UBE2F: variants seen among roughly 807,000 people sequenced by gnomAD.
The protein encoded by UBE2F is NEDD8-conjugating enzyme UBE2F.
A neutral mutation model predicts 29.6 loss-of-function variants in UBE2F; 5 were observed. The observed-to-expected ratio is 0.17, with a 90% CI of 0.09 to 0.36. The LOEUF is 0.36. Among genes scored for constraint, UBE2F ranks in the 10% least tolerant of loss-of-function variants. The probability of loss-of-function intolerance (pLI) is 1.00; values close to 1 mark genes in which losing one functional copy is unlikely to be tolerated. For missense variants in UBE2F, 141 were observed against 228.5 expected, an observed-to-expected ratio of 0.62 and a Z score of 2.47; for synonymous variants, 66 against 81.8, an observed-to-expected ratio of 0.81 and a Z score of 1.04.
intron 5 of UBE2F, among the ~76,000 whole-genome samples, chr2:238,016,874 A>T (rs1165094328): frequency 3.3e-5 from 5 of 152,166 alleles, no homozygotes; most frequent in Non-Finnish European, 5.9e-5. Context: ...CTGCCTGTGT[A>T]TTTTCTATAA....
At chr2:238,023,403 A>C (rs61471587) in intron 5 of UBE2F, among the ~76,000 whole-genome samples, 2,350 of 152,340 alleles carry the variant, frequency 0.015, 70 homozygotes, top group African/African-American at 0.054. Context: ...CAGTTTAATC[A>C]GTTTTTTGGA....
At chr2:238,003,323 T>G in intron 4 of UBE2F, 1 of 470,450 alleles carries the variant, frequency 2.1e-6, no homozygotes, top group South Asian at 1.5e-5. Context: ...TTCTCTTAAC[T>G]TTCATCAGGA....
intron 3 of UBE2F, among the ~76,000 whole-genome samples, chr2:237,990,092 C>A (rs1475238124): frequency 1.7e-5 from 2 of 116,078 alleles, no homozygotes; most frequent in Non-Finnish European, 3.3e-5. Context: ...CACTCCTGGG[C>A]GATGGAGTGA....
At chr2:238,008,790 A>G (rs2063957774) in intron 4 of UBE2F, among the ~76,000 whole-genome samples, 1 of 152,082 alleles carries the variant, frequency 6.6e-6, no homozygotes. Context: ...TATAGTTCTC[A>G]TTTGTTTTAC....
At position 237,973,189 on chromosome 2, in the gene UBE2F, C is replaced by A; in HGVS notation, c.82C>A (p.Arg28=). The A allele has an allele frequency of 1.2e-6, 2 of 1,613,938 alleles. No homozygotes were observed. The highest frequency in any genetic ancestry group is 1.7e-6 in the Non-Finnish European group (2 of 1,179,864). The change falls in exon 2 of 10, where the codon CGG becomes AGG. Residue 28 remains arginine, a synonymous_variant. Coordinates refer to ENST00000272930, the MANE Select transcript of UBE2F (RefSeq NM_080678.3). ...GGCAGCCACAGCGTCCGACTCGACTCGGAGGGTTTCTGTGAGAGACAAATT... is the reference window on the plus strand; with the variant it reads ...GGCAGCCACAGCGTCCGACTCGACTAGGAGGGTTTCTGTGAGAGACAAATT... ...RTAATASDST[R]RVSVRDKLLV...
At chr2:238,023,211 T>C (rs528503988) in intron 5 of UBE2F, among the ~76,000 whole-genome samples, 1 of 152,364 alleles carries the variant, frequency 6.6e-6, no homozygotes, top group South Asian at 2.1e-4. Flanking sequence ...CACAGAGCCC[T>C]GCCCCTCATG....
At chr2:237,998,367 T>G (rs1308183027) in intron 4 of UBE2F, among the ~76,000 whole-genome samples, 1 of 152,176 alleles carries the variant, frequency 6.6e-6, no homozygotes, top group Non-Finnish European at 1.5e-5. Context: ...CATAAATTAG[T>G]TTTTCTTGTT....
At chr2:237,972,321 T>TG (rs1228172384) in intron 1 of UBE2F, among the ~76,000 whole-genome samples, 1 of 152,150 alleles carries the variant, frequency 6.6e-6, no homozygotes, top group African/African-American at 2.4e-5. Flanking sequence ...GGCCAGAACC[T>TG]GGGACCGTAC....
intron 8 of UBE2F, among the ~76,000 whole-genome samples, chr2:238,034,127 TA>T (rs140711867): frequency 0.021 from 3,098 of 149,568 alleles, 105 homozygotes; most frequent in African/African-American, 0.072. Context: ...TCCTTGGACT[TA>T]AAAAAAAAAT....
At chr2:237,979,257 C>T (rs868833470) in intron 2 of UBE2F, among the ~76,000 whole-genome samples, 2 of 152,180 alleles carry the variant, frequency 1.3e-5, no homozygotes, top group African/African-American at 4.8e-5. Flanking sequence ...CTGATGGGAG[C>T]TGGGGCAGTG....
intron 2 of UBE2F, among the ~76,000 whole-genome samples, chr2:237,977,314 T>G (rs371919586): frequency 5.1e-4 from 78 of 152,300 alleles, no homozygotes; most frequent in African/African-American, 1.8e-3. Flanking sequence ...AGCGATTAAG[T>G]TTCAGAGTCC....
chr2:238,023,770 C>T (rs7581395), intron 5 of UBE2F, among the ~76,000 whole-genome samples: 6,759 of 152,210 alleles, frequency 0.044, 521 homozygotes, highest in African/African-American at 0.15. Flanking sequence ...GTGGGAGGTC[C>T]TGGAGAAGAG....
At position 237,973,194 on chromosome 2, in the gene UBE2F, G is replaced by A. The variant is rs762787235; in HGVS notation, c.87G>A (p.Arg29=). 3 of 1,613,892 alleles carry A rather than the reference G, an allele frequency of 1.9e-6. No homozygotes were observed. Among genetic ancestry groups the A allele is most frequent in the Admixed American group, 1.7e-5 (1 of 60,020 alleles). The part of the protein sequence containing the change: ...TAATASDSTR[R]VSVRDKLLVK... ...CCACAGCGTCCGACTCGACTCGGAGGGTTTCTGTGAGAGACAAATTGCTTG... is the reference window on the plus strand; with the variant it reads ...CCACAGCGTCCGACTCGACTCGGAGAGTTTCTGTGAGAGACAAATTGCTTG... Residue 29 remains arginine (R), a synonymous_variant, in exon 2 of 10, where the codon AGG becomes AGA. Transcript: ENST00000272930.
chr2:237,981,483 G>A (rs1329810529), intron 2 of UBE2F, among the ~76,000 whole-genome samples: 2 of 152,126 alleles, frequency 1.3e-5, no homozygotes, highest in Non-Finnish European at 2.9e-5. Flanking sequence ...CCAGAAGCCT[G>A]TGGGGACTGT....
At chr2:238,031,738 A>T (rs2064586314) in intron 7 of UBE2F, among the ~76,000 whole-genome samples, 1 of 152,250 alleles carries the variant, frequency 6.6e-6, no homozygotes. Context: ...ATCTTCTATG[A>T]TTCTTTAAAT....
At chr2:237,971,499 A>G (rs2063175769) in intron 1 of UBE2F, among the ~76,000 whole-genome samples, 1 of 151,836 alleles carries the variant, frequency 6.6e-6, no homozygotes. Flanking sequence ...ATTTTTTTGT[A>G]TTTTAGTAGA....
intron 4 of UBE2F, among the ~76,000 whole-genome samples, chr2:237,995,674 G>A (rs551196771): frequency 9.9e-5 from 15 of 152,254 alleles, no homozygotes; most frequent in African/African-American, 2.6e-4. Context: ...AATAAGTCCC[G>A]GCCTTGTCTC....
At chr2:238,008,420 G>A (rs1466550206) in intron 4 of UBE2F, among the ~76,000 whole-genome samples, 1 of 152,154 alleles carries the variant, frequency 6.6e-6, no homozygotes, top group Non-Finnish European at 1.5e-5. Context: ...TCCTTCAAGG[G>A]ATTTGCTCAT....
chr2:237,973,554 C>A, intron 2 of UBE2F: 2 of 681,898 alleles, frequency 2.9e-6, no homozygotes, highest in Non-Finnish European at 4.5e-6. Context: ...CATTATCTTC[C>A]TTTCTTTCTG....
Sources: allele counts gnomAD v4.1 joint callset (sites outside exome capture counted in the v4.1 genomes callset), GRCh38; gene constraint gnomAD v4.1.1; transcripts MANE v1.5; gene names NCBI Gene and HGNC (gene_info 2026-07-23, HGNC 2026-07-21).